Variants in ALDH1L2 observed in about 807,000 individuals in gnomAD.
ALDH1L2 encodes the protein mitochondrial 10-formyltetrahydrofolate dehydrogenase.
Under a neutral mutation model 111.0 loss-of-function variants are expected in ALDH1L2, and 91 were observed. That is an observed-to-expected ratio of 0.82 (90% CI 0.69 to 0.98). The LOEUF is 0.98. ALDH1L2 is among the 50% of genes least tolerant of loss of function. The pLI is 0.00. For missense variants in ALDH1L2, 995 were observed against 1,126.8 expected, an observed-to-expected ratio of 0.88 and a Z score of 1.67; for synonymous variants, 374 against 392.6, an observed-to-expected ratio of 0.95 and a Z score of 0.56.
chr12:105,058,193 A>G lies in ALDH1L2; in HGVS notation c.1167T>C (p.Cys389=). ...ARLVEEIRQK[C]GGLQLQNEDV... ...CTTCATTCTGCAACTGAAGCCCACC[A>G]CATTTCTGTCTGATCTCTTCAACCA... Residue 389 remains cysteine, a synonymous_variant, in exon 10 of 23, where the codon TGT becomes TGC. Transcript: ENST00000258494. 6.2e-7 allele frequency: 1 copy of G among 1,610,620 alleles called. No homozygotes were observed. Among genetic ancestry groups the G allele is most frequent in the Non-Finnish European group, 8.5e-7 (1 of 1,178,786 alleles).
intron 6 of ALDH1L2, 108 bp from the exon 7 acceptor site, chr12:105,063,130 G>C (rs1252808645): frequency 8.0e-7 from 1 of 1,255,524 alleles, no homozygotes; most frequent in Middle Eastern, 2.6e-4. Context: ...ATTATCATCT[G>C]TAATAAAATT....
chr12:105,039,666 C>A (rs1170585115), intron 17 of ALDH1L2, 47 bp downstream of exon 17: 1 of 1,541,116 alleles, frequency 6.5e-7, no homozygotes, highest in Admixed American at 1.7e-5. Flanking sequence ...AAAATTGAAA[C>A]CTAGTTTAAC....
intron 22 of ALDH1L2, among the ~76,000 whole-genome samples, chr12:105,024,788 C>T (rs1817050415): frequency 6.6e-6 from 1 of 152,202 alleles, no homozygotes; most frequent in Admixed American, 6.5e-5. Flanking sequence ...GCTACCAGGC[C>T]TTCTAAGGAG....
At position 105,039,802 on chromosome 12, in the gene ALDH1L2, G is replaced by A. The variant is rs374695485; in HGVS notation, c.1956C>T (p.Gly652=). Residue 652 remains glycine (G), a synonymous_variant, in exon 17 of 23, where the codon GGC becomes GGT. Transcript: ENST00000258494. The stretch of plus-strand genomic sequence containing the variant: ...GTTCAGACAGACGTTGTCCTGCTAT[G>A]CCACCTGTAGAATTAGGGAATAAAA... ...GVINIIPGSG[G]IAGQRLSEHP... is the part of the protein sequence containing the mutation. 98 of 1,613,758 alleles carry A rather than the reference G, an allele frequency of 6.1e-5. No individual in the cohort carries two copies. The highest frequency in any genetic ancestry group is 5.6e-4 in the East Asian group (25 of 44,874).
intron 1 of ALDH1L2, among the ~76,000 whole-genome samples, chr12:105,083,705 C>G (rs1423467565): frequency 6.6e-6 from 1 of 152,102 alleles, no homozygotes; most frequent in East Asian, 1.9e-4. Context: ...GCAACGTGTC[C>G]TCTCTCGGTT....
rs760634485 is a variant in ALDH1L2 at position 105,050,059 on chromosome 12, C to G, written c.1536-1G>C. On this transcript the variant is annotated splice_acceptor_variant, in intron 12 of 22. Transcript: ENST00000258494. LOFTEE classifies it high-confidence loss of function. Reference sequence around the variant, plus strand: ...GTTCTCTTCCAGTAGGTCTGCAAGTCTGTGTGGTCAGTGAAAGAAATAAAT... The same window carrying G: ...GTTCTCTTCCAGTAGGTCTGCAAGTGTGTGTGGTCAGTGAAAGAAATAAAT... The G allele has an allele frequency of 6.3e-7, 1 of 1,582,562 alleles. No homozygotes were observed. The highest frequency in any genetic ancestry group is 8.6e-7 in the Non-Finnish European group (1 of 1,165,288).
At chr12:105,045,542 G>T (rs1171151329) in intron 15 of ALDH1L2, among the ~76,000 whole-genome samples, 2 of 151,606 alleles carry the variant, frequency 1.3e-5, no homozygotes, top group Non-Finnish European at 2.9e-5. Context: ...ACTATCTCTG[G>T]GATATCTAAG....
Position 105,030,356 on chromosome 12 carries a change from C to A in ALDH1L2, c.2484G>T (p.Gly828=). The part of the protein sequence containing the change: ...YMYLAKEESF[G]PIMVISKFQN... Reference sequence around the variant, plus strand: ...GGAATTTAGAAATGACCATAATAGGCCCAAAGGATTCCTCTTTGGCGAGGT... The same window carrying A: ...GGAATTTAGAAATGACCATAATAGGACCAAAGGATTCCTCTTTGGCGAGGT... Residue 828 remains glycine (G), a synonymous_variant, in exon 21 of 23, where the codon GGG becomes GGT. Transcript: ENST00000258494. The A allele has an allele frequency of 6.2e-7, 1 of 1,613,334 alleles. No homozygotes were observed. The highest frequency in any genetic ancestry group is 1.7e-4 in the Middle Eastern group (1 of 6,060).
At chr12:105,048,121 A>C (rs1445975324) in intron 13 of ALDH1L2, 1 of 152,248 alleles carries the variant, frequency 6.6e-6, no homozygotes, top group Non-Finnish European at 1.5e-5. Context: ...GCTGAACCAC[A>C]ATAAAAATTT....
At position 105,056,259 on chromosome 12, in the gene ALDH1L2, C is replaced by T. The variant is rs558258107; in HGVS notation, c.1287+1814G>A. Among the ~76,000 whole-genome samples, 10 of 152,204 alleles carry T rather than the reference C, an allele frequency of 6.6e-5. No homozygotes were observed. In the East Asian group the frequency reaches 1.9e-3, roughly 29 times the overall value. On this transcript the variant is annotated intron_variant, in intron 10 of 22. Coordinates refer to ENST00000258494, the MANE Select transcript of ALDH1L2 (RefSeq NM_001034173.4). ...GGCCAGAAGGCAATACGATGAAATA[C>T]TTAAAATGATAAAAGAAAAATACCG...
In ALDH1L2 at chr12:105,026,656, A is replaced by T; in HGVS notation, c.2605T>A (p.Tyr869Asn). 6.2e-7 allele frequency: 1 copy of T among 1,614,208 alleles called. No individual in the cohort carries two copies. Among genetic ancestry groups the T allele is most frequent in the South Asian group, 1.1e-5 (1 of 91,090 alleles). Reference sequence around the variant, plus strand: ...CCTGCTTCCAGTTTTTCACTCACATACATAGCTTTGTTTATGTCTCTTGTA... The same window carrying T: ...CCTGCTTCCAGTTTTTCACTCACATTCATAGCTTTGTTTATGTCTCTTGTA... ...VFTRDINKAM[Y>N]VSEKLEAGTV... Residue 869 changes from tyrosine (Y) to asparagine (N), a missense_variant, in exon 22 of 23, where the codon TAT (tyrosine) becomes AAT (asparagine). Transcript: ENST00000258494.
At chr12:105,032,482 A>C (rs908258790) in intron 19 of ALDH1L2, among the ~76,000 whole-genome samples, 1 of 151,654 alleles carries the variant, frequency 6.6e-6, no homozygotes, top group Non-Finnish European at 1.5e-5. Flanking sequence ...CAGGCAATCC[A>C]CCCGCATCAG....
At chr12:105,081,640 T>C (rs1169208299) in intron 1 of ALDH1L2, among the ~76,000 whole-genome samples, 1 of 152,226 alleles carries the variant, frequency 6.6e-6, no homozygotes, top group Admixed American at 6.5e-5. Context: ...TGGGCAATAA[T>C]ATCTAATTGA....
intron 9 of ALDH1L2, among the ~76,000 whole-genome samples, chr12:105,059,875 G>C (rs1409834977): frequency 6.6e-6 from 1 of 152,190 alleles, no homozygotes; most frequent in Non-Finnish European, 1.5e-5. Flanking sequence ...ATGTGGCCTA[G>C]GATCAAATCC....
chr12:105,041,789 C>T (rs2228700), intron 15 of ALDH1L2, among the ~76,000 whole-genome samples: 54,994 of 151,934 alleles, frequency 0.36, 10,175 homozygotes, highest in South Asian at 0.51. Flanking sequence ...ACTATTGTTA[C>T]TGATTTTGAT....
chr12:105,020,560 TG>T lies in ALDH1L2; in HGVS notation c.*3863del, dbSNP rs1365974699. On this transcript the variant is annotated 3_prime_UTR_variant, in exon 23 of 23. Transcript: ENST00000258494. The stretch of plus-strand genomic sequence containing the variant: ...CCTGTTCATGAAACTTACATTCTAA[TG>T]GGAAAAGATCATTGATTAATATACA... 4 of 152,312 alleles carry T rather than the reference TG, an allele frequency of 2.6e-5. No individual in the cohort carries two copies. Among genetic ancestry groups the T allele is most frequent in the African/African-American group, 9.6e-5 (4 of 41,560 alleles). The allele number at this position is 152,312 out of a possible 1,614,324, so 9.4% of individuals were successfully genotyped here.
chr12:105,043,185 C>G (rs1875642465), intron 15 of ALDH1L2, among the ~76,000 whole-genome samples: 1 of 151,662 alleles, frequency 6.6e-6, no homozygotes, highest in Admixed American at 6.6e-5. Flanking sequence ...AAGAGGGTGG[C>G]AGTGGTTCCT....
chr12:105,020,710 C>T lies in ALDH1L2; in HGVS notation c.*3714G>A, dbSNP rs1005992518. On this transcript the variant is annotated 3_prime_UTR_variant, in exon 23 of 23. Transcript: ENST00000258494. ...GAAAGCATAGTCAGGGAATGTGTCT[C>T]TCATCAGATGATATTTGAGGAGAGA... 1.3e-5 allele frequency: 2 copies of T among 152,178 alleles called. No individual in the cohort carries two copies. The highest frequency in any genetic ancestry group is 2.9e-5 in the Non-Finnish European group (2 of 68,040). The allele number at this position is 152,178 out of a possible 1,614,324, so 9.4% of individuals were successfully genotyped here. A position where few individuals can be genotyped will look rare whatever the true frequency, so the allele number is the denominator to read the frequency against.
intron 10 of ALDH1L2, among the ~76,000 whole-genome samples, chr12:105,056,670 G>A (rs10861334): frequency 0.15 from 22,467 of 151,516 alleles, 1,778 homozygotes; most frequent in East Asian, 0.23. Context: ...TTACAGCAAA[G>A]CTTTCCTATA....
Sources: gnomAD v4.1 joint callset for allele counts (sites outside exome capture counted in the v4.1 genomes callset) on GRCh38, gnomAD v4.1.1 for gene constraint, MANE v1.5 for transcripts, NCBI Gene and HGNC (gene_info 2026-07-23, HGNC 2026-07-21) for gene names.